Variants in TOB2 observed in about 807,000 individuals in gnomAD.
The protein encoded by TOB2 is protein Tob2.
A neutral mutation model predicts 17.3 loss-of-function variants in TOB2; 3 were observed. The ratio of observed to expected loss-of-function variants is 0.17; its 90% CI spans 0.08 to 0.45. The LOEUF is 0.45. Among genes scored for constraint, TOB2 ranks in the 20% least tolerant of loss-of-function variants. TOB2 has a pLI of 0.99. For missense variants in TOB2, 407 were observed against 445.7 expected, an observed-to-expected ratio of 0.91 and a Z score of 0.78; for synonymous variants, 163 against 185.6, an observed-to-expected ratio of 0.88 and a Z score of 0.99.
At chr22:41,440,150 C>A (rs1005235945) in intron 1 of TOB2, among the ~76,000 whole-genome samples, 4 of 148,830 alleles carry the variant, frequency 2.7e-5, no homozygotes, top group African/African-American at 1.0e-4. Context: ...CGGAGTCTTG[C>A]TCTGTCGCCC....
chr22:41,445,661 C>T (rs1175627918), intron 1 of TOB2, among the ~76,000 whole-genome samples: 2 of 152,308 alleles, frequency 1.3e-5, no homozygotes, highest in African/African-American at 2.4e-5. Context: ...GTTCATCCTC[C>T]GGACAGGAGG....
rs1161484832 is a variant in TOB2, at chr22:41,434,417, C to T, written c.*1894G>A. On this transcript the variant is annotated 3_prime_UTR_variant, in exon 2 of 2. Transcript: ENST00000327492. ...ACCTTTCCCAGAGAGAAGCTATCTG[C>T]TGGGTCTGTCACCTGTGTGGGAGCC... 1 of 153,022 alleles carries T rather than the reference C, an allele frequency of 6.5e-6. No homozygotes were observed. The highest frequency in any genetic ancestry group is 1.5e-5 in the Non-Finnish European group (1 of 68,398). The allele number at this position is 153,022 out of a possible 1,614,324, so 9.5% of individuals were successfully genotyped here. A position where few individuals can be genotyped will look rare whatever the true frequency, so the allele number is the denominator to read the frequency against.
At chr22:41,440,109 T>A (rs2037596933) in intron 1 of TOB2, among the ~76,000 whole-genome samples, 1 of 64,156 alleles carries the variant, frequency 1.6e-5, no homozygotes, top group South Asian at 3.7e-4. Flanking sequence ...TATTTTTTTC[T>A]TTTTCTTTCT....
intron 1 of TOB2, among the ~76,000 whole-genome samples, chr22:41,438,988 G>A (rs2037585751): frequency 6.6e-6 from 1 of 152,172 alleles, no homozygotes; most frequent in African/African-American, 2.4e-5. Context: ...ATAAACACCA[G>A]ATTGTTATTT....
At position 41,436,766 on chromosome 22, in the gene TOB2, C is replaced by A. The variant is rs1020997703; in HGVS notation, c.580G>T (p.Gly194Trp). The A allele has an allele frequency of 1.2e-5, 19 of 1,613,938 alleles. No homozygotes were observed. The highest frequency in any genetic ancestry group is 1.5e-5 in the Non-Finnish European group (18 of 1,179,912). ...CCCCCACCACTTGCTGCCCCGCCCC[C>A]CTTCTTCATCTTAGTGGAGCCAAAT... The part of the protein sequence containing the change: ...TKFGSTKMKK[G>W]GGAASGGGVA... The change falls in exon 2 of 2, where the codon GGG becomes TGG. Residue 194 changes from glycine to tryptophan, a missense_variant. By Grantham distance (184) the Gly-to-Trp change is radical. Coordinates refer to ENST00000327492, the MANE Select transcript of TOB2 (RefSeq NM_016272.4). This position sits in a 1 kb window ranked among gnomAD's most constrained non-coding sequence, Gnocchi z 4.8.
chr22:41,440,864 G>A (rs1430211102), intron 1 of TOB2, among the ~76,000 whole-genome samples: 1 of 66,882 alleles, frequency 1.5e-5, no homozygotes, highest in African/African-American at 1.0e-4. Flanking sequence ...ACCATGTCCA[G>A]CCTCATTTTT....
intron 1 of TOB2, among the ~76,000 whole-genome samples, chr22:41,438,765 A>G (rs1211362167): frequency 1.3e-5 from 2 of 151,040 alleles, no homozygotes; most frequent in Admixed American, 1.3e-4. Context: ...GGGCTGCCAC[A>G]GGGAAGCAGA....
chr22:41,443,421 C>A (rs1183253072), intron 1 of TOB2, among the ~76,000 whole-genome samples: 5 of 150,482 alleles, frequency 3.3e-5, no homozygotes, highest in Non-Finnish European at 7.4e-5. Flanking sequence ...CTGGGTTCAA[C>A]CAATTCTCCC....
At chr22:41,443,771 G>A (rs1169473838) in intron 1 of TOB2, among the ~76,000 whole-genome samples, 1 of 151,846 alleles carries the variant, frequency 6.6e-6, no homozygotes, top group Non-Finnish European at 1.5e-5. Context: ...TTACAGGAAT[G>A]CGCCACCACG....
chr22:41,437,936 G>A (rs2037571977), intron 1 of TOB2, among the ~76,000 whole-genome samples: 1 of 105,034 alleles, frequency 9.5e-6, no homozygotes. Flanking sequence ...GCGACAGAGT[G>A]AGACTCCATC....
At position 41,434,409 on chromosome 22, in the gene TOB2, G is replaced by A. The variant is rs1352265033; in HGVS notation, c.*1902C>T. On this transcript the variant is annotated 3_prime_UTR_variant, in exon 2 of 2. Transcript: ENST00000327492. ...AGCATCCAACCTTTCCCAGAGAGAA[G>A]CTATCTGCTGGGTCTGTCACCTGTG... The A allele has an allele frequency of 6.5e-6, 1 of 152,942 alleles. No individual in the cohort carries two copies. 9.5% of individuals were successfully genotyped at this position (152,942 alleles called of 1,614,324 possible).
In TOB2 at chr22:41,436,173, G is replaced by A. The variant is rs1569268649; in HGVS notation, c.*138C>T. 1.6e-6 allele frequency: 2 copies of A among 1,219,460 alleles called. No homozygotes were observed. Among genetic ancestry groups the A allele is most frequent in the Non-Finnish European group, 2.2e-6 (2 of 915,030 alleles). The allele number at this position is 1,219,460 out of a possible 1,614,324, so 75.5% of individuals were successfully genotyped here. A position where few individuals can be genotyped will look rare whatever the true frequency, so the allele number is the denominator to read the frequency against. The stretch of plus-strand genomic sequence containing the variant: ...GCAGGGCCCTCCCATTCCGTGCCTG[G>A]GCTGGATCTTTTTTCTAGAAGTAAG... On this transcript the variant is annotated 3_prime_UTR_variant, in exon 2 of 2. Coordinates refer to ENST00000327492, the MANE Select transcript of TOB2 (RefSeq NM_016272.4). This position sits in a 1 kb window ranked among gnomAD's most constrained non-coding sequence, Gnocchi z 4.8.
intron 1 of TOB2, among the ~76,000 whole-genome samples, chr22:41,444,533 C>T (rs1389716797): frequency 6.6e-6 from 1 of 152,244 alleles, no homozygotes; most frequent in African/African-American, 2.4e-5. Context: ...TTTCCCTGCA[C>T]ACTACACTTC....
intron 1 of TOB2, among the ~76,000 whole-genome samples, chr22:41,440,163 G>A (rs963834672): frequency 6.6e-6 from 1 of 151,212 alleles, no homozygotes; most frequent in Non-Finnish European, 1.5e-5. Context: ...TGTCGCCCAG[G>A]CTGGAGTGCA....
At chr22:41,441,106 A>G (rs1022317202) in intron 1 of TOB2, among the ~76,000 whole-genome samples, 1 of 151,762 alleles carries the variant, frequency 6.6e-6, no homozygotes, top group Non-Finnish European at 1.5e-5. Context: ...TCACAAGGTC[A>G]GGAGATTGAG....
rs577212952 is a variant in TOB2, at chr22:41,439,811, C to G, written c.-62-2404G>C. 1.1e-4 allele frequency among the ~76,000 whole-genome samples: 17 copies of G among 151,906 alleles called. 1 individual carries two copies. The South Asian group carries it at 3.5e-3, about 32-fold the overall frequency. ...GATTACAGGCATGAGCCAACACACA[C>G]GGCCTTAAGGGGCATTTTTGGGACT... is the stretch of plus-strand genomic sequence containing the variant. On this transcript the variant is annotated intron_variant, in intron 1 of 1. Transcript: ENST00000327492.
chr22:41,437,005 A>T lies in TOB2; in HGVS notation c.341T>A (p.Leu114Gln), dbSNP rs140700349. The T allele has an allele frequency of 7.4e-6, 12 of 1,614,168 alleles. No homozygotes were observed. The highest frequency in any genetic ancestry group is 1.0e-5 in the Non-Finnish European group (12 of 1,180,040). Reference protein sequence around the residue: ...GEKGAVKVLYLDDSEGCGAPE... With the variant: ...GEKGAVKVLYQDDSEGCGAPE... ...GGCACCGCAACCCTCACTGTCATCCAGGTACAGCACTTTCACAGCTCCCTT... is the reference window on the plus strand; with the variant it reads ...GGCACCGCAACCCTCACTGTCATCCTGGTACAGCACTTTCACAGCTCCCTT... Residue 114 changes from leucine (L) to glutamine (Q), a missense_variant, in exon 2 of 2, where the codon CTG becomes CAG. Leu to Gln is a moderately radical substitution (Grantham distance 113). Coordinates refer to ENST00000327492, the MANE Select transcript of TOB2 (RefSeq NM_016272.4).
chr22:41,444,624 GAA>G (rs781105665), intron 1 of TOB2, among the ~76,000 whole-genome samples: 10 of 152,352 alleles, frequency 6.6e-5, no homozygotes, highest in Middle Eastern at 3.4e-3. Context: ...AAGAGCCCAG[GAA>G]AAGTTTCCGA....
At chr22:41,442,164 G>C (rs889946957) in intron 1 of TOB2, among the ~76,000 whole-genome samples, 1 of 151,526 alleles carries the variant, frequency 6.6e-6, no homozygotes, top group African/African-American at 2.4e-5. Flanking sequence ...GGAACCTGTT[G>C]TTAAAGACAG....
Sources: gnomAD v4.1 joint callset for allele counts (sites outside exome capture counted in the v4.1 genomes callset) on GRCh38, gnomAD v4.1.1 for gene constraint, Gnocchi (gnomAD v3.1) non-coding constraint, MANE v1.5 for transcripts, NCBI Gene and HGNC (gene_info 2026-07-23, HGNC 2026-07-21) for gene names.